The following WWC1 variants were observed in gnomAD, a reference collection of about 807,000 sequenced individuals.
WWC1 encodes the protein WW and C2 domain containing 1.
Under a neutral mutation model 138.4 loss-of-function variants are expected in WWC1, and 55 were observed. That is an observed-to-expected ratio of 0.40 (90% CI 0.32 to 0.50). The LOEUF (loss-of-function observed/expected upper bound fraction) is 0.50, where lower values mean the gene tolerates loss of function less well. WWC1 is among the 20% of genes least tolerant of loss of function. The pLI, the probability that WWC1 is intolerant of heterozygous loss-of-function variation, is 0.72. For missense variants in WWC1, 1,226 were observed against 1,420.4 expected (o/e 0.86, Z 2.20); for synonymous variants, 524 against 564.9 (o/e 0.93, Z 1.03).
At chr5:168,352,572 A>ATT (rs1462928523) in intron 1 of WWC1, among the ~76,000 whole-genome samples, 1 of 150,046 alleles carries the variant, frequency 6.7e-6, no homozygotes, top group African/African-American at 2.5e-5. Context: ...TGAAATGAGG[A>ATT]TTATATATAT....
At chr5:168,441,480 A>G (rs1014848311) in intron 15 of WWC1, among the ~76,000 whole-genome samples, 1 of 152,212 alleles carries the variant, frequency 6.6e-6, no homozygotes, top group African/African-American at 2.4e-5. Context: ...AGATTTGGCA[A>G]ATGATTAAAC....
intron 1 of WWC1, among the ~76,000 whole-genome samples, chr5:168,303,928 T>G (rs1396153525): frequency 6.6e-6 from 1 of 152,196 alleles, no homozygotes; most frequent in Non-Finnish European, 1.5e-5. Context: ...TAGGGAGGCC[T>G]TATCCACCGC....
intron 1 of WWC1, among the ~76,000 whole-genome samples, chr5:168,303,136 A>C (rs1770246395): frequency 6.6e-6 from 1 of 152,182 alleles, no homozygotes; most frequent in African/African-American, 2.4e-5. Context: ...AAACGAAGTA[A>C]CTTCGTCCTC....
At chr5:168,311,450 G>A (rs1349253435) in intron 1 of WWC1, among the ~76,000 whole-genome samples, 1 of 152,176 alleles carries the variant, frequency 6.6e-6, no homozygotes, top group Non-Finnish European at 1.5e-5. Context: ...ACCCACCTAT[G>A]TCATGGTTTC....
intron 3 of WWC1, among the ~76,000 whole-genome samples, chr5:168,385,938 C>A (rs1037145807): frequency 1.3e-5 from 2 of 152,278 alleles, no homozygotes; most frequent in East Asian, 3.9e-4. Context: ...GTGGTCAGGC[C>A]CCTGCCAGCC....
chr5:168,426,456 GCA>G (rs1781506139), intron 11 of WWC1, among the ~76,000 whole-genome samples: 1 of 152,144 alleles, frequency 6.6e-6, no homozygotes, highest in Non-Finnish European at 1.5e-5. Context: ...ATTAGGCTGG[GCA>G]CACACAGGTC....
At chr5:168,309,870 A>G (rs2152747702) in intron 1 of WWC1, among the ~76,000 whole-genome samples, 1 of 152,192 alleles carries the variant, frequency 6.6e-6, no homozygotes, top group South Asian at 2.1e-4. Flanking sequence ...CTAGGTACCC[A>G]CTGGACATCA....
chr5:168,324,476 T>C (rs1772370446), intron 1 of WWC1, among the ~76,000 whole-genome samples: 1 of 152,012 alleles, frequency 6.6e-6, no homozygotes, highest in African/African-American at 2.4e-5. Flanking sequence ...GAAGATGATA[T>C]CAGGTGGAAA....
At chr5:168,408,283 G>A (rs953668948) in intron 6 of WWC1, among the ~76,000 whole-genome samples, 2 of 152,002 alleles carry the variant, frequency 1.3e-5, no homozygotes, top group African/African-American at 2.4e-5. Context: ...CTCCAGAGTC[G>A]GCATCCACAC....
chr5:168,434,324 G>C (rs1393838483), intron 15 of WWC1, among the ~76,000 whole-genome samples: 1 of 151,642 alleles, frequency 6.6e-6, no homozygotes, highest in Non-Finnish European at 1.5e-5. Context: ...TCAGGCTGTC[G>C]TATTCTGGTG....
At chr5:168,339,884 CCT>C (rs201430187) in intron 1 of WWC1, among the ~76,000 whole-genome samples, 12 of 115,858 alleles carry the variant, frequency 1.0e-4, no homozygotes, top group Non-Finnish European at 1.6e-4. Context: ...TCCCTCTCTC[CCT>C]CTCTCTCTGT....
In WWC1 at chr5:168,431,234, G is replaced by T. The variant is rs2152860397; in HGVS notation, c.2088-18G>T. The T allele has an allele frequency of 6.3e-7, 1 of 1,594,048 alleles. No individual in the cohort carries two copies. The highest frequency in any genetic ancestry group is 2.2e-5 in the East Asian group (1 of 44,452). On this transcript the variant is annotated intron_variant, in intron 14 of 22. Transcript: ENST00000265293. ...CATGGGCTGACCCAAGATTTCCTGC[G>T]GTTCTGTCTCCCTCTAGGAATATCC...
Position 168,359,033 on chromosome 5 carries a change from G to GGTGTGT in WWC1, c.120-12358_120-12353dup, listed in dbSNP as rs58992917. 6.6e-3 allele frequency among the ~76,000 whole-genome samples: 985 copies of GGTGTGT among 148,282 alleles called. 11 individuals carry two copies. The highest frequency in any genetic ancestry group is 0.019 in the African/African-American group (762 of 39,648). On this transcript the variant is annotated intron_variant, in intron 1 of 22. Coordinates refer to ENST00000265293, the MANE Select transcript of WWC1 (RefSeq NM_015238.3). The stretch of plus-strand genomic sequence containing the variant: ...TTTTTGTTGTTGTTGGTGGTGGTGG[G>GGTGTGT]GTGTGTGTGTGTGTGTGTGTGTGTG...
chr5:168,384,735 T>TC (rs1216323443), intron 2 of WWC1, among the ~76,000 whole-genome samples: 1 of 114,102 alleles, frequency 8.8e-6, no homozygotes, highest in East Asian at 2.5e-4. Flanking sequence ...TTTTTTTTTT[T>TC]CAGACAGAGT....
At chr5:168,294,649 CAG>C (rs1444349424) in intron 1 of WWC1, among the ~76,000 whole-genome samples, 1 of 152,032 alleles carries the variant, frequency 6.6e-6, no homozygotes, top group Non-Finnish European at 1.5e-5. Flanking sequence ...TTTTTGGAGA[CAG>C]AGTCTCGCTC....
At chr5:168,399,612 C>G in intron 5 of WWC1, 45 bp downstream of exon 5, 1 of 1,588,880 alleles carries the variant, frequency 6.3e-7, no homozygotes, top group Non-Finnish European at 8.6e-7. Context: ...GCTCCCCACC[C>G]TGGTTCCCCT....
chr5:168,438,222 G>T (rs1404277855), intron 15 of WWC1, among the ~76,000 whole-genome samples: 1 of 152,056 alleles, frequency 6.6e-6, no homozygotes, highest in Admixed American at 6.6e-5. Flanking sequence ...GCCCTGCCAC[G>T]TTCCAGTGCA....
chr5:168,403,016 T>C (rs540539856), intron 5 of WWC1, among the ~76,000 whole-genome samples: 14 of 90,932 alleles, frequency 1.5e-4, no homozygotes, highest in African/African-American at 7.0e-4. Flanking sequence ...TTTTCTTTCT[T>C]TCTTTCTTTC....
At chr5:168,312,226 AAAAG>A (rs1261765947) in intron 1 of WWC1, among the ~76,000 whole-genome samples, 1 of 152,222 alleles carries the variant, frequency 6.6e-6, no homozygotes, top group African/African-American at 2.4e-5. Context: ...CAAAAAAAAA[AAAAG>A]GAACAATAAC....
Sources: allele counts gnomAD v4.1 joint callset (sites outside exome capture counted in the v4.1 genomes callset), GRCh38; gene constraint gnomAD v4.1.1; transcripts MANE v1.5; gene names NCBI Gene and HGNC (gene_info 2026-07-23, HGNC 2026-07-21).